The following ARL17B variants were observed in gnomAD, a reference collection of about 807,000 sequenced individuals.
The protein encoded by ARL17B is ADP-ribosylation factor-like protein 17.
chr17:46,316,559 C>A (rs1385929297), intron 3 of ARL17B, among the ~76,000 whole-genome samples: 1 of 66,130 alleles, frequency 1.5e-5, no homozygotes, highest in Admixed American at 1.6e-4. Flanking sequence ...CCTCAGCCTC[C>A]TGGGTAGCTG....
intron 2 of ARL17B, 65 bp from the exon 3 acceptor site, chr17:46,352,995 TC>T (rs1396080809): frequency 3.3e-6 from 2 of 614,914 alleles, no homozygotes; most frequent in Non-Finnish European, 5.9e-6. Context: ...CAAAATAATT[TC>T]AACATGCGGA....
intron 4 of ARL17B, among the ~76,000 whole-genome samples, chr17:46,278,264 T>A (rs2049647390): frequency 1.3e-5 from 2 of 152,214 alleles, no homozygotes; most frequent in South Asian, 4.1e-4. Context: ...TTTCTTATAC[T>A]GCTCTTTCTT....
intron 3 of ARL17B, among the ~76,000 whole-genome samples, chr17:46,324,344 TTTTTTTC>T (rs1468683399): frequency 8.9e-5 from 7 of 78,378 alleles, no homozygotes; most frequent in African/African-American, 2.7e-4. Context: ...TAAGTTAGCA[TTTTTTTC>T]TTAAATGGCT....
intron 4 of ARL17B, among the ~76,000 whole-genome samples, chr17:46,283,732 T>A (rs1274173574): frequency 2.0e-5 from 3 of 152,096 alleles, no homozygotes; most frequent in African/African-American, 4.8e-5. Flanking sequence ...GGGCCCAGGG[T>A]ACCTGCGTTC....
At chr17:46,359,129 AAAAC>A (rs1280851770) in intron 1 of ARL17B, among the ~76,000 whole-genome samples, 1 of 151,054 alleles carries the variant, frequency 6.6e-6, no homozygotes, top group African/African-American at 2.4e-5. Flanking sequence ...TATGCAATAT[AAAAC>A]AAAGTCTTTA....
At chr17:46,285,306 T>A (rs2049875487) in intron 4 of ARL17B, among the ~76,000 whole-genome samples, 1 of 151,388 alleles carries the variant, frequency 6.6e-6, no homozygotes, top group Non-Finnish European at 1.5e-5. Flanking sequence ...CATGGCTCGA[T>A]CTTGGCTCAC....
chr17:46,276,492 A>G (rs1472927465), intron 4 of ARL17B, among the ~76,000 whole-genome samples: 3 of 152,258 alleles, frequency 2.0e-5, no homozygotes, highest in African/African-American at 7.2e-5. Flanking sequence ...TTCCAGTTAA[A>G]AATTTAGACT....
chr17:46,274,889 T>C (rs1188759199), exon 5 of ARL17B: 1 of 152,676 alleles, frequency 6.5e-6, no homozygotes, highest in Admixed American at 6.6e-5. Flanking sequence ...TTCTTTTTCT[T>C]TTCTTCCTTT....
chr17:46,325,471 G>A (rs1285277087), intron 3 of ARL17B, among the ~76,000 whole-genome samples: 2 of 79,096 alleles, frequency 2.5e-5, no homozygotes, highest in African/African-American at 6.4e-5. Context: ...GTATACCTCA[G>A]GTCATTTACA....
At position 46,286,861 on chromosome 17, in the gene ARL17B, C is replaced by T. The variant is rs537907508; in HGVS notation, c.*22-11443G>A. Reference sequence around the variant, plus strand: ...ACTGCTGCCCTCTTGTGCCCATTTACAATCATTACAGATGTACACATCCAT... The same window carrying T: ...ACTGCTGCCCTCTTGTGCCCATTTATAATCATTACAGATGTACACATCCAT... On this transcript the variant is annotated intron_variant, in intron 4 of 4. Coordinates refer to the ARL17B transcript ENST00000570618. 1.0e-3 allele frequency among the ~76,000 whole-genome samples: 154 copies of T among 152,332 alleles called. 1 individual carries two copies. In the South Asian group the frequency reaches 0.02, roughly 20 times the overall value.
chr17:46,280,589 T>TC (rs1567851417), intron 4 of ARL17B, among the ~76,000 whole-genome samples: 4 of 149,562 alleles, frequency 2.7e-5, no homozygotes, highest in African/African-American at 9.9e-5. Flanking sequence ...TTTTTTTTTT[T>TC]CCTGAGCAGA....
chr17:46,279,918 T>C (rs75818729), intron 4 of ARL17B, among the ~76,000 whole-genome samples: 16,962 of 149,690 alleles, frequency 0.11, no homozygotes, highest in Non-Finnish European at 0.17. Flanking sequence ...AATTATCTAA[T>C]GCATGAGTCA....
chr17:46,286,885 A>G (rs1397910267), intron 4 of ARL17B, among the ~76,000 whole-genome samples: 4 of 152,194 alleles, frequency 2.6e-5, no homozygotes, highest in African/African-American at 9.7e-5. Flanking sequence ...GTACACATCC[A>G]TTTTCTTAGC....
At chr17:46,281,025 T>G (rs113119026) in intron 4 of ARL17B, among the ~76,000 whole-genome samples, 7,801 of 134,646 alleles carry the variant, frequency 0.058, no homozygotes, top group Middle Eastern at 0.11. Flanking sequence ...CTTTTAGATT[T>G]ATTCTTCCAT....
At chr17:46,278,146 C>G (rs1267302493) in intron 4 of ARL17B, among the ~76,000 whole-genome samples, 2 of 152,222 alleles carry the variant, frequency 1.3e-5, no homozygotes, top group East Asian at 3.9e-4. Flanking sequence ...GGGGTTTCAC[C>G]ATGTTGGCCA....
At chr17:46,290,590 G>T (rs1174885896) in intron 4 of ARL17B, among the ~76,000 whole-genome samples, 1 of 152,034 alleles carries the variant, frequency 6.6e-6, no homozygotes, top group Non-Finnish European at 1.5e-5. Context: ...GGGATTACAG[G>T]TGCCTGCCAC....
At chr17:46,283,655 G>A (rs1459232777) in intron 4 of ARL17B, among the ~76,000 whole-genome samples, 33 of 152,282 alleles carry the variant, frequency 2.2e-4, no homozygotes, top group Middle Eastern at 3.4e-3. Flanking sequence ...GGTGTTTCTC[G>A]TTAAGTGGAA....
At chr17:46,284,683 T>TA (rs560470249) in intron 4 of ARL17B, among the ~76,000 whole-genome samples, 21,265 of 151,154 alleles carry the variant, frequency 0.14, 1,879 homozygotes, top group Non-Finnish European at 0.21. Context: ...ACTGCTTCTG[T>TA]AACAGGTGGG....
At chr17:46,277,510 A>T (rs1351013075) in intron 4 of ARL17B, among the ~76,000 whole-genome samples, 1 of 152,178 alleles carries the variant, frequency 6.6e-6, no homozygotes, top group Non-Finnish European at 1.5e-5. Flanking sequence ...ACAAATCAAA[A>T]AGCATAGAGG....
Sources: allele counts gnomAD v4.1 joint callset (sites outside exome capture counted in the v4.1 genomes callset), GRCh38; gene constraint gnomAD v4.1.1; transcripts MANE v1.5; gene names NCBI Gene and HGNC (gene_info 2026-07-23, HGNC 2026-07-21).